Variants in LSM4 observed in about 807,000 individuals in gnomAD.
LSM4 encodes LSM4 homolog, U6 small nuclear RNA and mRNA degradation associated.
LSM4 carries 15 observed loss-of-function variants against 22.3 expected under a neutral mutation model. The observed-to-expected ratio is 0.67, with a 90% confidence interval of 0.45 to 1.03. LSM4 has a LOEUF of 1.03. Among genes scored for constraint, LSM4 ranks in the 50% least tolerant of loss-of-function variants. The probability of loss-of-function intolerance (pLI) is 0.00; values close to 1 mark genes in which losing one functional copy is unlikely to be tolerated. For missense variants in LSM4, 127 were observed against 198.0 expected, an observed-to-expected ratio of 0.64 and a Z score of 2.15; for synonymous variants, 90 against 79.8, an observed-to-expected ratio of 1.13 and a Z score of -0.68.
intron 4 of LSM4, among the ~76,000 whole-genome samples, chr19:18,308,284 C>T (rs1342963242): frequency 6.6e-6 from 1 of 152,208 alleles, no homozygotes; most frequent in Non-Finnish European, 1.5e-5. Context: ...GTGCCTGGCG[C>T]CCCTTCACGC....
At chr19:18,307,948 G>C (rs539631597) in intron 4 of LSM4, among the ~76,000 whole-genome samples, 243 of 143,338 alleles carry the variant, frequency 1.7e-3, no homozygotes, top group African/African-American at 5.2e-3. Context: ...GCTCCCTGGC[G>C]GGGGGGGGGC....
At position 18,306,291 on chromosome 19, in the gene LSM4, G is replaced by A. The variant is rs1044512116; in HGVS notation, c.*1173C>T. The A allele has an allele frequency of 5.9e-5, 9 of 152,306 alleles. No individual in the cohort carries two copies. Among genetic ancestry groups the A allele is most frequent in the African/African-American group, 9.6e-5 (4 of 41,572 alleles). The allele number at this position is 152,306 out of a possible 1,614,324, so 9.4% of individuals were successfully genotyped here. A position where few individuals can be genotyped will look rare whatever the true frequency, so the allele number is the denominator to read the frequency against. ...CACCTCTCAAAATAGGTCTCCGAAC[G>A]AGGACCCTGAAGAGAAGGCTATGCA... On this transcript the variant is annotated 3_prime_UTR_variant, in exon 5 of 5. Coordinates refer to ENST00000593829, the MANE Select transcript of LSM4 (RefSeq NM_012321.5).
At chr19:18,317,126 T>C (rs2148144535) in intron 1 of LSM4, among the ~76,000 whole-genome samples, 1 of 151,694 alleles carries the variant, frequency 6.6e-6, no homozygotes, top group African/African-American at 2.4e-5. Context: ...GTTCAAGTGA[T>C]CCTCCCGCCT....
intron 4 of LSM4, among the ~76,000 whole-genome samples, chr19:18,308,950 C>T (rs753982786): frequency 6.6e-6 from 1 of 152,180 alleles, no homozygotes; most frequent in Non-Finnish European, 1.5e-5. Flanking sequence ...TAGGACCCGA[C>T]CCACTCTCTC....
chr19:18,314,479 A>C (rs571266410), intron 2 of LSM4, among the ~76,000 whole-genome samples: 8 of 152,052 alleles, frequency 5.3e-5, no homozygotes, highest in Non-Finnish European at 7.4e-5. Flanking sequence ...GTGAGCCCAG[A>C]TCACTCCAGG....
intron 3 of LSM4, 34 bp downstream of exon 3, chr19:18,312,570 G>GC: frequency 6.4e-7 from 1 of 1,567,370 alleles, no homozygotes; most frequent in Admixed American, 1.7e-5. Context: ...TGCACCCCCT[G>GC]CATCCCACCC....
At chr19:18,311,498 C>T (rs1568297668) in intron 3 of LSM4, among the ~76,000 whole-genome samples, 1 of 152,222 alleles carries the variant, frequency 6.6e-6, no homozygotes. Context: ...CAACAGGCTT[C>T]TCATGTCTAG....
intron 4 of LSM4, among the ~76,000 whole-genome samples, chr19:18,309,065 C>T (rs1366395203): frequency 1.3e-5 from 2 of 152,130 alleles, no homozygotes; most frequent in African/African-American, 4.8e-5. Flanking sequence ...CTATCCCTGC[C>T]CCTCCCTCGG....
chr19:18,317,985 G>T (rs779982104), intron 1 of LSM4, among the ~76,000 whole-genome samples: 1 of 152,146 alleles, frequency 6.6e-6, no homozygotes, highest in Non-Finnish European at 1.5e-5. Flanking sequence ...GCTGTGCCTG[G>T]GTGCGGGGTC....
chr19:18,312,551 G>A (rs937276021), intron 3 of LSM4, 53 bp downstream of exon 3: 45 of 1,463,650 alleles, frequency 3.1e-5, no homozygotes, highest in Middle Eastern at 3.5e-4. Context: ...GGAGGGAGGA[G>A]GCTGAGTGTG....
intron 3 of LSM4, 84 bp from the exon 4 acceptor site, chr19:18,309,945 G>C: frequency 7.4e-7 from 1 of 1,352,592 alleles, no homozygotes. Context: ...TGCAGATCCT[G>C]CCCAGCCTGC....
At chr19:18,316,849 A>G (rs745636089) in intron 1 of LSM4, among the ~76,000 whole-genome samples, 1 of 152,120 alleles carries the variant, frequency 6.6e-6, no homozygotes, top group Admixed American at 6.5e-5. Flanking sequence ...GGCAGCCCCA[A>G]CTGGCCCAAG....
At position 18,312,647 on chromosome 19, in the gene LSM4, T is replaced by C; in HGVS notation, c.101A>G (p.Asn34Ser). 6.2e-7 allele frequency: 1 copy of C among 1,613,856 alleles called. No individual in the cohort carries two copies. The highest frequency in any genetic ancestry group is 2.2e-5 in the East Asian group (1 of 44,850). Reference sequence around the variant, plus strand: ...TTCTCGCAGGTTAATGTTCATCCAGTTGTCGCAGCTCACCAGGTGTCCATT... The same window carrying C: ...TTCTCGCAGGTTAATGTTCATCCAGCTGTCGCAGCTCACCAGGTGTCCATT... Reference protein sequence around the residue: ...TYNGHLVSCDNWMNINLREVI... With the variant: ...TYNGHLVSCDSWMNINLREVI... Residue 34 changes from asparagine (N) to serine (S), a missense_variant, in exon 3 of 5, where the codon AAC (asparagine) becomes AGC (serine). Transcript: ENST00000593829.
At position 18,323,030 on chromosome 19, in the gene LSM4, G is replaced by A. The variant is rs773117765; in HGVS notation, c.-10C>T. On this transcript the variant is annotated 5_prime_UTR_variant, in exon 1 of 5. Transcript: ENST00000593829. ...GCCCTGCCCTCACCATGGTGCCGGC[G>A]GGGACCGGGCTCGCCGGCCACTTCC... The A allele has an allele frequency of 1.6e-4, 244 of 1,556,746 alleles. No individual in the cohort carries two copies. The highest frequency in any genetic ancestry group is 1.9e-4 in the Non-Finnish European group (226 of 1,159,004).
intron 1 of LSM4, among the ~76,000 whole-genome samples, chr19:18,320,567 G>C (rs540810721): frequency 1.4e-4 from 22 of 152,282 alleles, no homozygotes; most frequent in Admixed American, 1.2e-3. Context: ...GAGAGGCCGA[G>C]GTGGGTGGAT....
At chr19:18,316,299 T>C (rs1014816072) in intron 1 of LSM4, 4 of 401,496 alleles carry the variant, frequency 1.0e-5, no homozygotes, top group Non-Finnish European at 4.6e-6. Flanking sequence ...CTCCCGTAGG[T>C]GGCCACCACC....
intron 1 of LSM4, among the ~76,000 whole-genome samples, chr19:18,322,328 G>A (rs1475486694): frequency 1.3e-5 from 2 of 152,150 alleles, no homozygotes; most frequent in African/African-American, 4.8e-5. Context: ...GGGGGACACG[G>A]GCACTTTCTA....
intron 4 of LSM4, 135 bp downstream of exon 4, chr19:18,309,543 C>T: frequency 2.1e-6 from 2 of 973,960 alleles, no homozygotes; most frequent in South Asian, 1.7e-5. Context: ...CGGCTCATGG[C>T]CAAGGACCAG....
At chr19:18,318,268 A>G (rs772709385) in intron 1 of LSM4, among the ~76,000 whole-genome samples, 2 of 152,232 alleles carry the variant, frequency 1.3e-5, no homozygotes, top group Admixed American at 6.5e-5. Flanking sequence ...TGGCTCCCCA[A>G]TGAAAGGAAG....
Sources: gnomAD v4.1 joint callset for allele counts (sites outside exome capture counted in the v4.1 genomes callset) on GRCh38, gnomAD v4.1.1 for gene constraint, MANE v1.5 for transcripts, NCBI Gene and HGNC (gene_info 2026-07-23, HGNC 2026-07-21) for gene names.